Variants in ST6GALNAC3 observed in about 807,000 individuals in gnomAD.
ST6GALNAC3 encodes the protein alpha-N-acetylgalactosaminide alpha-2,6-sialyltransferase 3.
Under a neutral mutation model 32.7 loss-of-function variants are expected in ST6GALNAC3, and 25 were observed. That is an observed-to-expected ratio of 0.76 (90% CI 0.56 to 1.07). The LOEUF is 1.07. Ranked by LOEUF, ST6GALNAC3 falls within the 50% of genes least tolerant of loss-of-function variation. The pLI is 0.00. For missense variants in ST6GALNAC3, 355 were observed against 382.4 expected, an observed-to-expected ratio of 0.93 and a Z score of 0.60; for synonymous variants, 129 against 133.1, an observed-to-expected ratio of 0.97 and a Z score of 0.21.
chr1:76,352,094 A>T (rs1022648308), intron 2 of ST6GALNAC3, among the ~76,000 whole-genome samples: 1 of 152,192 alleles, frequency 6.6e-6, no homozygotes, highest in Non-Finnish European at 1.5e-5. Context: ...CCTTAGAGGG[A>T]CAATAATGAA....
chr1:76,433,733 C>T (rs1235140027), intron 3 of ST6GALNAC3, among the ~76,000 whole-genome samples: 1 of 152,150 alleles, frequency 6.6e-6, no homozygotes, highest in Non-Finnish European at 1.5e-5. Flanking sequence ...TGGGTCACTT[C>T]TGTTGATTCC....
At chr1:76,341,625 C>CTTTCTT (rs1647999076) in intron 2 of ST6GALNAC3, among the ~76,000 whole-genome samples, 1 of 126,126 alleles carries the variant, frequency 7.9e-6, no homozygotes, top group Non-Finnish European at 1.6e-5. Context: ...TTCTTTCTTT[C>CTTTCTT]TTTCTTTCTT....
intron 1 of ST6GALNAC3, among the ~76,000 whole-genome samples, chr1:76,104,141 T>C (rs1229748619): frequency 6.6e-6 from 1 of 152,180 alleles, no homozygotes; most frequent in Non-Finnish European, 1.5e-5. Context: ...TCTATTTCTG[T>C]TATTTCTGCT....
intron 3 of ST6GALNAC3, among the ~76,000 whole-genome samples, chr1:76,572,297 A>G (rs555464040): frequency 1.3e-5 from 2 of 152,268 alleles, no homozygotes; most frequent in South Asian, 4.1e-4. Flanking sequence ...TAGTTAACTT[A>G]GGCAAATGAA....
At chr1:76,144,845 G>A (rs886271342) in intron 1 of ST6GALNAC3, among the ~76,000 whole-genome samples, 4 of 152,172 alleles carry the variant, frequency 2.6e-5, no homozygotes, top group Non-Finnish European at 5.9e-5. Flanking sequence ...TTGACAAACT[G>A]TGTAATTTAG....
intron 3 of ST6GALNAC3, among the ~76,000 whole-genome samples, chr1:76,603,754 C>G (rs1647353652): frequency 6.6e-6 from 1 of 152,184 alleles, no homozygotes; most frequent in Admixed American, 6.5e-5. Flanking sequence ...CTCACTACAG[C>G]CTGGAACTCC....
chr1:76,614,718 C>CAAAAAAAAAAAAAAAAAAAAAAAAA (rs55744575), intron 3 of ST6GALNAC3, among the ~76,000 whole-genome samples: 1 of 67,534 alleles, frequency 1.5e-5, no homozygotes, highest in African/African-American at 6.8e-5. Flanking sequence ...GACTCCATCT[C>CAAAAAAAAAAAAAAAAAAAAAAAAA]AAAAAAAAAA....
chr1:76,427,523 AAAAATTAATCGTATCTCC>A (rs1655475389), intron 3 of ST6GALNAC3, among the ~76,000 whole-genome samples: 1 of 152,114 alleles, frequency 6.6e-6, no homozygotes, highest in Non-Finnish European at 1.5e-5. Flanking sequence ...GGAAAAATAA[AAAAATTAATCGTATCTCC>A]AAACTATATG....
At chr1:76,196,093 A>G (rs1272140486) in intron 1 of ST6GALNAC3, among the ~76,000 whole-genome samples, 1 of 152,186 alleles carries the variant, frequency 6.6e-6, no homozygotes, top group Non-Finnish European at 1.5e-5. Context: ...TATTGTGTGA[A>G]TTAATGTATA....
chr1:76,529,644 G>A (rs1388050535), intron 3 of ST6GALNAC3, among the ~76,000 whole-genome samples: 1 of 152,126 alleles, frequency 6.6e-6, no homozygotes, highest in Non-Finnish European at 1.5e-5. Context: ...GCAACTTTGA[G>A]TAATACAGAC....
intron 3 of ST6GALNAC3, among the ~76,000 whole-genome samples, chr1:76,617,892 A>G (rs1448495036): frequency 6.6e-6 from 1 of 152,182 alleles, no homozygotes; most frequent in Non-Finnish European, 1.5e-5. Flanking sequence ...TTCAGGACCT[A>G]TCTCTTTATT....
chr1:76,294,088 C>G (rs1660252561), intron 1 of ST6GALNAC3, among the ~76,000 whole-genome samples: 1 of 152,100 alleles, frequency 6.6e-6, no homozygotes, highest in Non-Finnish European at 1.5e-5. Flanking sequence ...GAAAATAGCT[C>G]TTTGTACCTT....
At chr1:76,524,823 T>C (rs1662764149) in intron 3 of ST6GALNAC3, among the ~76,000 whole-genome samples, 1 of 151,912 alleles carries the variant, frequency 6.6e-6, no homozygotes, top group South Asian at 2.1e-4. Context: ...GAGAATTCTT[T>C]AAAAATGAAG....
At chr1:76,301,505 T>C (rs1191784699) in intron 1 of ST6GALNAC3, among the ~76,000 whole-genome samples, 1 of 152,096 alleles carries the variant, frequency 6.6e-6, no homozygotes, top group Non-Finnish European at 1.5e-5. Context: ...ATATGCTTTA[T>C]ATTGTTTTAG....
At chr1:76,548,901 A>G (rs575542266) in intron 3 of ST6GALNAC3, among the ~76,000 whole-genome samples, 1 of 152,148 alleles carries the variant, frequency 6.6e-6, no homozygotes, top group Non-Finnish European at 1.5e-5. Flanking sequence ...CTCTGCCGCC[A>G]CTGTATCCCC....
chr1:76,388,262 G>A (rs898449928), intron 2 of ST6GALNAC3, among the ~76,000 whole-genome samples: 1 of 152,140 alleles, frequency 6.6e-6, no homozygotes, highest in Non-Finnish European at 1.5e-5. Flanking sequence ...GTTGGATGCT[G>A]AGCCCTTTTC....
At position 76,108,861 on chromosome 1, in the gene ST6GALNAC3, AGTGTGTGTGTGT is replaced by A. The variant is rs10528375; in HGVS notation, c.18+34004_18+34015del. 5.7e-4 allele frequency among the ~76,000 whole-genome samples: 86 copies of A among 149,870 alleles called. 2 individuals are homozygous for A. Among genetic ancestry groups the A allele is most frequent in the African/African-American group, 1.5e-3 (60 of 40,934 alleles). On this transcript the variant is annotated intron_variant, in intron 1 of 4. Transcript: ENST00000328299. Reference sequence around the variant, plus strand: ...AATGAGTTCTGAAATCTGTAGACATAGTGTGTGTGTGTGTGTGTGTGTGTGTGTGTGTGTGTG... The same window carrying A: ...AATGAGTTCTGAAATCTGTAGACATAGTGTGTGTGTGTGTGTGTGTGTGTG...
At chr1:76,488,103 A>T (rs1660246599) in intron 3 of ST6GALNAC3, among the ~76,000 whole-genome samples, 1 of 152,102 alleles carries the variant, frequency 6.6e-6, no homozygotes, top group African/African-American at 2.4e-5. Context: ...TCCCTGCCCA[A>T]ATCTCATGCT....
chr1:76,487,709 G>A (rs1660218462), intron 3 of ST6GALNAC3, among the ~76,000 whole-genome samples: 2 of 152,126 alleles, frequency 1.3e-5, no homozygotes, highest in Admixed American at 1.3e-4. Flanking sequence ...ATCATATGAA[G>A]CCTTCTTCTC....
Sources: gnomAD v4.1 joint callset for allele counts (sites outside exome capture counted in the v4.1 genomes callset) on GRCh38, gnomAD v4.1.1 for gene constraint, MANE v1.5 for transcripts, NCBI Gene and HGNC (gene_info 2026-07-23, HGNC 2026-07-21) for gene names.